The following DDX42 variants were observed in gnomAD, a reference collection of about 807,000 sequenced individuals.
The protein encoded by DDX42 is DEAD-box helicase 42, also known as ATP-dependent RNA helicase DDX42.
Under a neutral mutation model 101.5 loss-of-function variants are expected in DDX42, and 22 were observed. That is an observed-to-expected ratio of 0.22 (90% CI 0.15 to 0.31). The LOEUF is 0.31. Ranked by LOEUF, DDX42 falls within the 10% of genes least tolerant of loss-of-function variation. The pLI, the probability that DDX42 is intolerant of heterozygous loss-of-function variation, is 1.00. For synonymous variants in DDX42, 402 were observed against 401.2 expected (o/e 1.00, Z -0.02); for missense variants, 849 against 1,199.9 (o/e 0.71, Z 4.32).
chr17:63,801,489 G>C (rs1004599317), intron 6 of DDX42, among the ~76,000 whole-genome samples: 16 of 152,096 alleles, frequency 1.1e-4, no homozygotes, highest in Admixed American at 4.6e-4. Flanking sequence ...GAGTAGCTGG[G>C]ACTACAGGTG....
rs1393613720 is a variant in DDX42, at chr17:63,774,225, C to CGGT, written c.-166_-165insTGG. 1.2e-4 allele frequency: 19 copies of CGGT among 164,732 alleles called. No individual in the cohort carries two copies. The highest frequency in any genetic ancestry group is 4.0e-4 in the Admixed American group (4 of 10,106). The allele number at this position is 164,732 out of a possible 1,614,324, so 10.2% of individuals were successfully genotyped here. On this transcript the variant is annotated 5_prime_UTR_variant, in exon 1 of 18. Coordinates refer to ENST00000389924, the MANE Select transcript of DDX42 (RefSeq NM_203499.3). ...GAGGCGGTGGCGGTGGTGGCGGTGGCGGCGGCGGTGGTGGTGGTGGCGGCG... is the reference window on the plus strand; with the variant it reads ...GAGGCGGTGGCGGTGGTGGCGGTGGCGGTGGCGGCGGTGGTGGTGGTGGCGGCG...
At position 63,800,550 on chromosome 17, in the gene DDX42, G is replaced by A; in HGVS notation, c.554G>A (p.Ser185Asn). 1.9e-6 allele frequency: 3 copies of A among 1,614,050 alleles called. No homozygotes were observed. Among genetic ancestry groups the A allele is most frequent in the Non-Finnish European group, 2.5e-6 (3 of 1,179,956 alleles). Residue 185 changes from serine to asparagine, a missense_variant, in exon 6 of 18, where the codon AGT (serine) becomes AAT (asparagine). Ser to Asn is a conservative substitution (Grantham distance 46). This residue lies in a region of DDX42 where 370 missense variants were observed against 608.8 expected (regional missense o/e 0.61). Transcript: ENST00000389924. ...GAGGAAGACAATCTAGAATATGATA[G>A]TGACGGAAATCCAATTGCACCTACC... ...EEEEDNLEYD[S>N]DGNPIAPTKK...
intron 16 of DDX42, chr17:63,816,092 C>T (rs1384769105): frequency 6.6e-6 from 1 of 152,556 alleles, no homozygotes; most frequent in Non-Finnish European, 1.5e-5. Flanking sequence ...TAAAGTCTAG[C>T]CATATCTTGT....
At chr17:63,810,693 G>C (rs1215960829) in intron 12 of DDX42, 133 bp downstream of exon 12, 1 of 823,480 alleles carries the variant, frequency 1.2e-6, no homozygotes, top group African/African-American at 1.7e-5. Flanking sequence ...GGGAGGTAAT[G>C]AGTTTATCTG....
In DDX42 at chr17:63,807,810, G is replaced by A. The variant is rs772130151; in HGVS notation, c.933G>A (p.Met311Ile). The stretch of plus-strand genomic sequence containing the variant: ...AAACTGCAGCCTTCATTTGGCCCAT[G>A]TTGATTCATATAATGGACCAGAAGG... ...SGKTAAFIWP[M>I]LIHIMDQKEL... Residue 311 changes from methionine to isoleucine, a missense_variant, in exon 9 of 18, where the codon ATG (methionine) becomes ATA (isoleucine). Met to Ile is a conservative substitution (Grantham distance 10). Coordinates refer to ENST00000389924, the MANE Select transcript of DDX42 (RefSeq NM_203499.3). 3.3e-5 allele frequency: 54 copies of A among 1,614,174 alleles called. No homozygotes were observed. The highest frequency in any genetic ancestry group is 4.6e-5 in the Non-Finnish European group (54 of 1,180,022).
intron 3 of DDX42, among the ~76,000 whole-genome samples, chr17:63,793,259 T>C (rs1567734839): frequency 1.3e-5 from 2 of 152,016 alleles, no homozygotes; most frequent in African/African-American, 4.8e-5. Context: ...CTCTTTTTTT[T>C]TTTCTTTCTT....
chr17:63,787,755 C>T (rs1214682905), intron 2 of DDX42, among the ~76,000 whole-genome samples: 1 of 151,832 alleles, frequency 6.6e-6, no homozygotes, highest in Non-Finnish European at 1.5e-5. Context: ...GCAGGAGAAT[C>T]GCTTGAACCC....
At chr17:63,779,663 C>T (rs1324727875) in intron 1 of DDX42, among the ~76,000 whole-genome samples, 1 of 152,104 alleles carries the variant, frequency 6.6e-6, no homozygotes, top group Non-Finnish European at 1.5e-5. Flanking sequence ...CAATAACACC[C>T]TATTCTCCCC....
chr17:63,798,138 AAC>A (rs757820506), intron 4 of DDX42, 39 bp downstream of exon 4: 5 of 1,598,584 alleles, frequency 3.1e-6, no homozygotes, highest in Middle Eastern at 3.3e-4. Context: ...GTTACGTGAA[AAC>A]TGCTGAAGTA....
At chr17:63,775,945 C>T (rs997901995) in intron 1 of DDX42, 2 of 152,176 alleles carry the variant, frequency 1.3e-5, no homozygotes, top group African/African-American at 4.8e-5. Context: ...AGGGATGCTT[C>T]TAAAATAACC....
intron 1 of DDX42, chr17:63,774,896 T>G (rs1277036841): frequency 6.6e-6 from 1 of 152,320 alleles, no homozygotes; most frequent in Non-Finnish European, 1.5e-5. Flanking sequence ...AGAGCGTATC[T>G]GATGTGAATA....
chr17:63,784,268 A>C (rs1376534656), intron 1 of DDX42, among the ~76,000 whole-genome samples: 6 of 152,252 alleles, frequency 3.9e-5, no homozygotes, highest in African/African-American at 1.4e-4. Context: ...AGTGGAAATT[A>C]AAATTAAAGT....
chr17:63,773,940 C>T (rs780134685), upstream of DDX42: 1 of 179,854 alleles, frequency 5.6e-6, no homozygotes. Flanking sequence ...CTGTCCAACC[C>T]GTTTTCTCTT....
intron 9 of DDX42, 48 bp downstream of exon 9, chr17:63,807,948 G>A (rs368760004): frequency 8.0e-5 from 123 of 1,545,840 alleles, no homozygotes; most frequent in Middle Eastern, 5.2e-4. Context: ...GACTAGCAAG[G>A]GACCAGCCAG....
At chr17:63,815,859 C>G (rs1235142127) in intron 16 of DDX42, 186 bp downstream of exon 16, 18 of 345,836 alleles carry the variant, frequency 5.2e-5, no homozygotes, top group Non-Finnish European at 5.3e-6. Flanking sequence ...ATTGAAGAAG[C>G]ATCTTTGTGT....
At chr17:63,774,024 C>G (rs940758408), upstream of DDX42, 3 of 216,028 alleles carry the variant, frequency 1.4e-5, no homozygotes, top group African/African-American at 7.2e-5. Flanking sequence ...GTCATGAACA[C>G]TGTCCACCCA....
At chr17:63,795,996 G>T (rs1334342823) in intron 3 of DDX42, among the ~76,000 whole-genome samples, 1 of 152,160 alleles carries the variant, frequency 6.6e-6, no homozygotes, top group Non-Finnish European at 1.5e-5. Flanking sequence ...CGTGTGTCTT[G>T]CAGCATAGTA....
In DDX42 at chr17:63,818,159, G is replaced by A. The variant is rs146221475; in HGVS notation, c.2578G>A (p.Gly860Arg). 31 of 1,614,002 alleles carry A rather than the reference G, an allele frequency of 1.9e-5. 1 individual carries two copies. The highest frequency in any genetic ancestry group is 3.3e-5 in the Admixed American group (2 of 60,000). The part of the protein sequence containing the change: ...SSRHTDGHRH[G>R]ENRHGGSAGR... ...CCGTCATACTGATGGCCATCGGCAC[G>A]GGGAGAACAGACATGGAGGAAGCGC... is the stretch of plus-strand genomic sequence containing the variant. The change falls in exon 18 of 18, where the codon GGG becomes AGG. Residue 860 changes from glycine (G) to arginine (R), a missense_variant. Coordinates refer to ENST00000389924, the MANE Select transcript of DDX42 (RefSeq NM_203499.3).
intron 10 of DDX42, 107 bp from the exon 11 acceptor site, chr17:63,809,453 A>G (rs566688027): frequency 1.2e-4 from 99 of 811,536 alleles, no homozygotes; most frequent in Middle Eastern, 5.8e-4. Flanking sequence ...AGTATCTATT[A>G]CAGTCTGAGA....
Sources: allele counts gnomAD v4.1 joint callset (sites outside exome capture counted in the v4.1 genomes callset), GRCh38; gene constraint gnomAD v4.1.1; regional missense constraint gnomAD v4.1.1; transcripts MANE v1.5; gene names NCBI Gene and HGNC (gene_info 2026-07-23, HGNC 2026-07-21).